Variants in IL1RAPL2 observed in about 807,000 individuals in gnomAD.
IL1RAPL2 encodes interleukin 1 receptor accessory protein like 2.
IL1RAPL2 carries 3 observed loss-of-function variants against 44.1 expected under a neutral mutation model. The observed-to-expected ratio is 0.07, with a 90% confidence interval of 0.03 to 0.18. IL1RAPL2 has a LOEUF of 0.18. Among genes scored for constraint, IL1RAPL2 ranks in the 10% least tolerant of loss-of-function variants. The probability of loss-of-function intolerance (pLI) is 1.00; values close to 1 mark genes in which losing one functional copy is unlikely to be tolerated. For synonymous variants in IL1RAPL2, 181 were observed against 178.8 expected, an observed-to-expected ratio of 1.01 and a Z score of -0.10; for missense variants, 391 against 496.4, an observed-to-expected ratio of 0.79 and a Z score of 2.02.
intron 2 of IL1RAPL2, among the ~76,000 whole-genome samples, chrX:104,697,080 CAT>C (rs1277092745): frequency 5.3e-5 from 6 of 112,577 alleles, no homozygotes; most frequent in Non-Finnish European, 1.1e-4. Flanking sequence ...TTAGAGAGCA[CAT>C]GATATGTTGC....
At chrX:104,945,497 C>T (rs932959473) in intron 2 of IL1RAPL2, among the ~76,000 whole-genome samples, 27 of 111,235 alleles carry the variant, frequency 2.4e-4, no homozygotes, top group African/African-American at 7.2e-4. Context: ...CTTTGCCCAA[C>T]AGGTTTAGCA....
intron 2 of IL1RAPL2, among the ~76,000 whole-genome samples, chrX:105,003,159 C>A (rs1325660470): frequency 4.5e-5 from 5 of 110,996 alleles, no homozygotes; most frequent in Non-Finnish European, 9.5e-5. Context: ...TAGTCTCTCC[C>A]AAATATGCAA....
At chrX:105,071,622 C>A (rs764103718) in intron 2 of IL1RAPL2, among the ~76,000 whole-genome samples, 2 of 112,088 alleles carry the variant, frequency 1.8e-5, no homozygotes, top group Admixed American at 1.9e-4. Flanking sequence ...TGAAAATTTA[C>A]CACACAGCTA....
At chrX:105,252,836 A>G (rs1020657566) in intron 4 of IL1RAPL2, among the ~76,000 whole-genome samples, 4 of 111,876 alleles carry the variant, frequency 3.6e-5, no homozygotes, top group African/African-American at 1.3e-4. Context: ...ACACGGTGGC[A>G]GAGCTGAATT....
chrX:104,761,205 G>A (rs1396741342), intron 2 of IL1RAPL2, among the ~76,000 whole-genome samples: 1 of 111,172 alleles, frequency 9.0e-6, no homozygotes, highest in Non-Finnish European at 1.9e-5. Flanking sequence ...ATTTCCACAG[G>A]GCTGGGGAGG....
At chrX:105,325,550 T>C (rs1311584191) in intron 5 of IL1RAPL2, among the ~76,000 whole-genome samples, 1 of 22,307 alleles carries the variant, frequency 4.5e-5, no homozygotes, top group African/African-American at 6.0e-5. Flanking sequence ...TTTATATATA[T>C]ATATATATAT....
intron 5 of IL1RAPL2, among the ~76,000 whole-genome samples, chrX:105,271,976 C>T (rs956192309): frequency 3.6e-5 from 4 of 109,713 alleles, no homozygotes; most frequent in African/African-American, 1.3e-4. Flanking sequence ...ACAATCATGT[C>T]GTCTGCAAAC....
intron 2 of IL1RAPL2, among the ~76,000 whole-genome samples, chrX:104,978,389 GTCT>G (rs771788994): frequency 6.3e-5 from 7 of 111,531 alleles, no homozygotes; most frequent in Non-Finnish European, 9.4e-5. Context: ...AATAGTATTA[GTCT>G]TCTTCAATGT....
At chrX:104,610,765 T>C (rs1488016472) in intron 1 of IL1RAPL2, among the ~76,000 whole-genome samples, 1 of 111,881 alleles carries the variant, frequency 8.9e-6, no homozygotes, top group Non-Finnish European at 1.9e-5. Context: ...CTTCACAGAA[T>C]TGGAGAAAAC....
chrX:105,266,139 T>C (rs1438935429), intron 4 of IL1RAPL2, among the ~76,000 whole-genome samples: 3 of 110,188 alleles, frequency 2.7e-5, no homozygotes, highest in South Asian at 4.0e-4. Flanking sequence ...CCTCCTGGAT[T>C]CAAGAGATTC....
At chrX:104,974,637 A>G (rs1262033124) in intron 2 of IL1RAPL2, among the ~76,000 whole-genome samples, 1 of 112,322 alleles carries the variant, frequency 8.9e-6, no homozygotes, top group Non-Finnish European at 1.9e-5. Flanking sequence ...GGGGAACTGC[A>G]GTGCTCAGGG....
intron 2 of IL1RAPL2, among the ~76,000 whole-genome samples, chrX:105,111,052 T>G (rs1602959097): frequency 8.9e-6 from 1 of 112,253 alleles, no homozygotes; most frequent in East Asian, 2.8e-4. Flanking sequence ...TTACTATATC[T>G]AATTACACTG....
At chrX:104,853,894 C>T (rs1214760563) in intron 2 of IL1RAPL2, among the ~76,000 whole-genome samples, 1 of 63,792 alleles carries the variant, frequency 1.6e-5, no homozygotes, top group African/African-American at 6.3e-5. Flanking sequence ...CAGAGCGAGA[C>T]TCCGTCTCAA....
At chrX:105,338,898 G>A (rs1191030911) in intron 5 of IL1RAPL2, among the ~76,000 whole-genome samples, 1 of 111,015 alleles carries the variant, frequency 9.0e-6, no homozygotes, top group African/African-American at 3.3e-5. Flanking sequence ...TCAGGAGTTC[G>A]AGACCAGCCT....
chrX:104,775,039 G>C (rs929681940), intron 2 of IL1RAPL2, among the ~76,000 whole-genome samples: 1 of 112,234 alleles, frequency 8.9e-6, no homozygotes, highest in African/African-American at 3.2e-5. Flanking sequence ...AATGTGCACC[G>C]AGTGTCAGCA....
intron 2 of IL1RAPL2, among the ~76,000 whole-genome samples, chrX:105,029,974 GT>G (rs903694247): frequency 3.6e-5 from 4 of 111,791 alleles, no homozygotes; most frequent in Non-Finnish European, 5.6e-5. Context: ...TCTCATTGTG[GT>G]TTTGATTTGC....
intron 6 of IL1RAPL2, among the ~76,000 whole-genome samples, chrX:105,586,887 C>T (rs2037133272): frequency 8.9e-6 from 1 of 112,132 alleles, no homozygotes; most frequent in Admixed American, 9.5e-5. Flanking sequence ...TATGCCTTGG[C>T]CTCCTCAAAT....
chrX:104,592,062 T>C (rs966202586), intron 1 of IL1RAPL2, among the ~76,000 whole-genome samples: 9 of 109,527 alleles, frequency 8.2e-5, no homozygotes, highest in African/African-American at 3.0e-4. Flanking sequence ...TGTTTGTTTG[T>C]TTTTGTAAAC....
intron 2 of IL1RAPL2, among the ~76,000 whole-genome samples, chrX:104,763,091 T>C (rs1163599453): frequency 8.9e-6 from 1 of 112,419 alleles, no homozygotes; most frequent in Non-Finnish European, 1.9e-5. Context: ...AACTATTCTC[T>C]GTCACCTTTT....
Sources: allele counts gnomAD v4.1 joint callset (sites outside exome capture counted in the v4.1 genomes callset), GRCh38; gene constraint gnomAD v4.1.1; transcripts MANE v1.5; gene names NCBI Gene and HGNC (gene_info 2026-07-23, HGNC 2026-07-21).